PSORS1C1: variants seen among roughly 807,000 people sequenced by gnomAD.
PSORS1C1 encodes psoriasis susceptibility 1 candidate 1.
PSORS1C1 carries 7 observed loss-of-function variants against 9.4 expected under a neutral mutation model. The observed-to-expected ratio is 0.75, with a 90% CI of 0.42 to 1.40. The LOEUF is 1.40. Among genes scored for constraint, PSORS1C1 ranks in the 40% most tolerant of loss-of-function variants. The pLI is 0.01. For missense variants in PSORS1C1, 146 were observed against 178.1 expected (o/e 0.82, Z 1.02); for synonymous variants, 63 against 69.4 (o/e 0.91, Z 0.46).
intron 1 of PSORS1C1, among the ~76,000 whole-genome samples, chr6:31,122,358 C>A (rs1424653882): frequency 2.6e-5 from 4 of 152,180 alleles, no homozygotes; most frequent in Admixed American, 1.3e-4. Flanking sequence ...CAGCTTCACC[C>A]CCACAGCCCC....
At chr6:31,130,498 G>A (rs1457609865) in intron 3 of PSORS1C1, among the ~76,000 whole-genome samples, 2 of 151,576 alleles carry the variant, frequency 1.3e-5, no homozygotes, top group African/African-American at 2.4e-5. Context: ...TGCAACGTCC[G>A]CCTCCCGGGT....
intron 3 of PSORS1C1, among the ~76,000 whole-genome samples, chr6:31,137,301 CAAA>C (rs141488045): frequency 0.23 from 35,242 of 151,294 alleles, 4,459 homozygotes; most frequent in Admixed American, 0.28. Flanking sequence ...CTAAAAAATA[CAAA>C]AAATTAGCCT....
At chr6:31,129,182 T>C (rs1157567701) in intron 2 of PSORS1C1, among the ~76,000 whole-genome samples, 1 of 152,228 alleles carries the variant, frequency 6.6e-6, no homozygotes. Context: ...TTCTTTTTTT[T>C]TCATTGGCCA....
intron 1 of PSORS1C1, chr6:31,117,459 G>A (rs746628392): frequency 1.2e-5 from 19 of 1,555,142 alleles, no homozygotes; most frequent in Non-Finnish European, 1.7e-5. Flanking sequence ...GGCAGGGGTC[G>A]TTAGGGGAGG....
chr6:31,115,492 G>A lies in PSORS1C1; in HGVS notation c.-229+601G>A. The A allele has an allele frequency of 1.2e-5, 2 of 166,698 alleles. 1 individual carries two copies. Among genetic ancestry groups the A allele is most frequent in the South Asian group, 3.1e-4 (2 of 6,514 alleles). The allele number at this position is 166,698 out of a possible 1,614,324, so 10.3% of individuals were successfully genotyped here. On this transcript the variant is annotated intron_variant, in intron 1 of 5. Transcript: ENST00000259881. The surrounding 1 kb of genome is among the most constrained non-coding windows in gnomAD (Gnocchi z 4.2). ...TGGTGAGCTCTGTAATGGAGGGTGGGGTGGAATTGGGAGCGAGAGCCCAGT... is the reference window on the plus strand; with the variant it reads ...TGGTGAGCTCTGTAATGGAGGGTGGAGTGGAATTGGGAGCGAGAGCCCAGT...
Position 31,139,090 on chromosome 6 carries a change from C to A in PSORS1C1, c.167+311C>A. On this transcript the variant is annotated intron_variant, in intron 5 of 5. Coordinates refer to ENST00000259881, the MANE Select transcript of PSORS1C1 (RefSeq NM_014068.3). This position sits in a 1 kb window ranked among gnomAD's most constrained non-coding sequence, Gnocchi z 5.2. ...CTGGGTGCCTGGGAACCCCAAGAGG[C>A]TTTATAGGGGAGGAGTGGAGGAGGG... 1.4e-6 allele frequency: 2 copies of A among 1,429,792 alleles called. No individual in the cohort carries two copies. The highest frequency in any genetic ancestry group is 2.0e-6 in the Non-Finnish European group (2 of 1,014,524). 88.6% of individuals were successfully genotyped at this position (1,429,792 alleles called of 1,614,324 possible). A position where few individuals can be genotyped will look rare whatever the true frequency, so the allele number is the denominator to read the frequency against.
chr6:31,134,116 T>C (rs1482767669), intron 3 of PSORS1C1, among the ~76,000 whole-genome samples: 8 of 146,340 alleles, frequency 5.5e-5, no homozygotes, highest in East Asian at 2.1e-4. Context: ...GAAGCTGGGA[T>C]TACAGGCGCC....
rs999184645 is a variant in PSORS1C1, at chr6:31,128,589, GA to G, written c.-64-975del. 2.6e-5 allele frequency among the ~76,000 whole-genome samples: 4 copies of G among 152,142 alleles called. No individual in the cohort carries two copies. The highest frequency in any genetic ancestry group is 4.4e-5 in the Non-Finnish European group (3 of 68,022). ...TTACTGCCTCTGAGGATATTAGGGG[GA>G]AAAACCCACAGGAGGTGCATTTGGC... On this transcript the variant is annotated intron_variant, in intron 2 of 5. Coordinates refer to ENST00000259881, the MANE Select transcript of PSORS1C1 (RefSeq NM_014068.3). The surrounding 1 kb of genome is among the most constrained non-coding windows in gnomAD (Gnocchi z 4.3).
At chr6:31,126,025 G>T (rs1326599128) in intron 2 of PSORS1C1, among the ~76,000 whole-genome samples, 186 bp downstream of exon 2, 1 of 151,532 alleles carries the variant, frequency 6.6e-6, no homozygotes, top group East Asian at 1.9e-4. Context: ...GCTCTTATGT[G>T]CAAAGCCCCT....
At chr6:31,130,249 AC>A (rs1772847658) in intron 3 of PSORS1C1, among the ~76,000 whole-genome samples, 1 of 143,228 alleles carries the variant, frequency 7.0e-6, no homozygotes. Flanking sequence ...GTTTCTCCCC[AC>A]CCTAGGCACA....
chr6:31,138,468 G>A lies in PSORS1C1; in HGVS notation c.43+9G>A. On this transcript the variant is annotated intron_variant, in intron 4 of 5. Transcript: ENST00000259881. ...CTCTCAAAGAGCTCTCGGTAGGTTT[G>A]TAAATACTTAACTGATGGTAAAATG... The A allele has an allele frequency of 6.2e-7, 1 of 1,610,316 alleles. No homozygotes were observed. Among genetic ancestry groups the A allele is most frequent in the Non-Finnish European group, 8.5e-7 (1 of 1,178,706 alleles).
intron 2 of PSORS1C1, among the ~76,000 whole-genome samples, chr6:31,127,320 C>G (rs1366252555): frequency 6.6e-6 from 1 of 152,074 alleles, no homozygotes; most frequent in Non-Finnish European, 1.5e-5. Flanking sequence ...GGGAGCTTCT[C>G]CTACTGCCCA....
intron 3 of PSORS1C1, chr6:31,137,563 T>G: frequency 7.9e-6 from 2 of 251,700 alleles, no homozygotes; most frequent in Non-Finnish European, 1.5e-5. Context: ...ATTTTTCCGT[T>G]TCATGGAAGC....
At chr6:31,117,222 G>A in intron 1 of PSORS1C1, 1 of 1,613,798 alleles carries the variant, frequency 6.2e-7, no homozygotes, top group Non-Finnish European at 8.5e-7. Flanking sequence ...CCAGCTGGGA[G>A]GAACCGGATG....
chr6:31,116,468 C>T (rs1772131234), intron 1 of PSORS1C1: 2 of 1,598,622 alleles, frequency 1.3e-6, no homozygotes, highest in Non-Finnish European at 1.7e-6. Flanking sequence ...CCCGTGGAGC[C>T]GCCTCCACAG....
chr6:31,134,840 A>G (rs1191846550), intron 3 of PSORS1C1, among the ~76,000 whole-genome samples: 2 of 151,916 alleles, frequency 1.3e-5, no homozygotes, highest in Non-Finnish European at 2.9e-5. Context: ...GTTTTGAGAC[A>G]CGGTCTCACT....
At chr6:31,129,731 T>C in intron 3 of PSORS1C1, 86 bp downstream of exon 3, 1 of 764,762 alleles carries the variant, frequency 1.3e-6, no homozygotes. Flanking sequence ...GGCTGGGTAC[T>C]AGGAGAGAAG....
At chr6:31,135,562 C>T (rs566994350) in intron 3 of PSORS1C1, among the ~76,000 whole-genome samples, 18 of 152,246 alleles carry the variant, frequency 1.2e-4, no homozygotes, top group South Asian at 1.0e-3. Context: ...CTCAGTCTGT[C>T]GGAGACTGCA....
Position 31,139,715 on chromosome 6 carries a change from G to A in PSORS1C1, c.242G>A (p.Gly81Glu). ...GCCACCCAGGATGACTGCAGAAAAG[G>A]AAGGACACAGGAGGATATCCTGGTT... ...LAATQDDCRK[G>E]RTQEDILVPS... The change falls in exon 6 of 6, where the codon GGA (glycine) becomes GAA (glutamate). Residue 81 changes from glycine (G) to glutamate (E), a missense_variant. Transcript: ENST00000259881. This position sits in a 1 kb window ranked among gnomAD's most constrained non-coding sequence, Gnocchi z 5.2. The A allele has an allele frequency of 6.2e-7, 1 of 1,613,046 alleles. No homozygotes were observed. The highest frequency in any genetic ancestry group is 2.2e-5 in the East Asian group (1 of 44,880).
Sources: gnomAD v4.1 joint callset for allele counts (sites outside exome capture counted in the v4.1 genomes callset) on GRCh38, gnomAD v4.1.1 for gene constraint, Gnocchi (gnomAD v3.1) non-coding constraint, MANE v1.5 for transcripts, NCBI Gene and HGNC (gene_info 2026-07-23, HGNC 2026-07-21) for gene names.